The following ST8SIA1 variants were observed in gnomAD, a reference collection of about 807,000 sequenced individuals.
The protein encoded by ST8SIA1 is ST8 alpha-N-acetyl-neuraminide alpha-2,8-sialyltransferase 1, also known as alpha-N-acetylneuraminide alpha-2,8-sialyltransferase.
A neutral mutation model predicts 35.9 loss-of-function variants in ST8SIA1; 16 were observed. That is an observed-to-expected ratio of 0.45 (90% CI 0.30 to 0.68). ST8SIA1 has a LOEUF of 0.68. ST8SIA1 is among the 30% of genes least tolerant of loss of function. The pLI, the probability that ST8SIA1 is intolerant of heterozygous loss-of-function variation, is 0.09. For synonymous variants in ST8SIA1, 170 were observed against 169.6 expected, an observed-to-expected ratio of 1.00 and a Z score of -0.02; for missense variants, 383 against 453.6, an observed-to-expected ratio of 0.84 and a Z score of 1.41.
intron 2 of ST8SIA1, among the ~76,000 whole-genome samples, chr12:22,260,426 TTGAGA>T (rs1865776545): frequency 6.6e-6 from 1 of 152,066 alleles, no homozygotes; most frequent in Non-Finnish European, 1.5e-5. Context: ...TCTTAAAGTG[TTGAGA>T]TAAGGCATGA....
At chr12:22,281,237 T>C (rs1249101446) in intron 2 of ST8SIA1, among the ~76,000 whole-genome samples, 1 of 152,196 alleles carries the variant, frequency 6.6e-6, no homozygotes, top group Non-Finnish European at 1.5e-5. Context: ...TTTAACTTTG[T>C]TACTCATAAT....
chr12:22,256,457 G>T (rs1354586636), intron 2 of ST8SIA1, among the ~76,000 whole-genome samples: 1 of 152,198 alleles, frequency 6.6e-6, no homozygotes, highest in African/African-American at 2.4e-5. Flanking sequence ...AGCAGCTGGA[G>T]TTCTTTAGGG....
At chr12:22,264,916 A>G (rs1865829576) in intron 2 of ST8SIA1, among the ~76,000 whole-genome samples, 1 of 152,250 alleles carries the variant, frequency 6.6e-6, no homozygotes, top group African/African-American at 2.4e-5. Context: ...AATGATGTGA[A>G]TATTTATATA....
intron 4 of ST8SIA1, among the ~76,000 whole-genome samples, chr12:22,215,642 T>C (rs1283802163): frequency 1.3e-5 from 2 of 152,140 alleles, no homozygotes; most frequent in African/African-American, 4.8e-5. Context: ...TCCTCCAATA[T>C]CTATTGTGAC....
chr12:22,273,710 C>G lies in ST8SIA1; in HGVS notation c.381+13439G>C, dbSNP rs534187297. Reference sequence around the variant, plus strand: ...TAGGCTCTAGGTACACCAGGATACACTTGGTGATTGTATCCACCAAAACTA... The same window carrying G: ...TAGGCTCTAGGTACACCAGGATACAGTTGGTGATTGTATCCACCAAAACTA... On this transcript the variant is annotated intron_variant, in intron 2 of 4. Coordinates refer to ENST00000396037, the MANE Select transcript of ST8SIA1 (RefSeq NM_003034.4). Among the ~76,000 whole-genome samples, 14 of 152,272 alleles carry G rather than the reference C, an allele frequency of 9.2e-5. No individual in the cohort carries two copies. The South Asian group carries it at 2.9e-3, about 32-fold the overall frequency.
At chr12:22,297,635 T>G (rs1318529488) in intron 1 of ST8SIA1, among the ~76,000 whole-genome samples, 1 of 152,110 alleles carries the variant, frequency 6.6e-6, no homozygotes, top group Non-Finnish European at 1.5e-5. Flanking sequence ...GCACAGAATA[T>G]CAGCATTTCA....
At chr12:22,242,922 A>G (rs1382299165) in intron 4 of ST8SIA1, among the ~76,000 whole-genome samples, 1 of 152,208 alleles carries the variant, frequency 6.6e-6, no homozygotes, top group Non-Finnish European at 1.5e-5. Context: ...CACCCTAACT[A>G]ATCTTTTTGT....
At chr12:22,260,692 G>A (rs1021888513) in intron 2 of ST8SIA1, among the ~76,000 whole-genome samples, 5 of 151,984 alleles carry the variant, frequency 3.3e-5, no homozygotes, top group African/African-American at 1.2e-4. Flanking sequence ...TTAAAATAAG[G>A]TGAGGCATTT....
chr12:22,277,742 G>A (rs1170056213), intron 2 of ST8SIA1, among the ~76,000 whole-genome samples: 1 of 152,078 alleles, frequency 6.6e-6, no homozygotes, highest in Non-Finnish European at 1.5e-5. Flanking sequence ...GTGGCAGTGA[G>A]GTAAGAAAAG....
chr12:22,257,533 G>A (rs567727154), intron 2 of ST8SIA1, among the ~76,000 whole-genome samples: 68 of 151,828 alleles, frequency 4.5e-4, no homozygotes, highest in Admixed American at 2.4e-3. Flanking sequence ...CCCAGGAACT[G>A]CAATTTTAAT....
intron 2 of ST8SIA1, among the ~76,000 whole-genome samples, chr12:22,279,240 A>G (rs1484486459): frequency 6.6e-6 from 1 of 152,188 alleles, no homozygotes; most frequent in Non-Finnish European, 1.5e-5. Context: ...ATCACTACCA[A>G]GTTACACTTG....
chr12:22,325,914 T>C, intron 1 of ST8SIA1: 3 of 699,036 alleles, frequency 4.3e-6, no homozygotes, highest in Non-Finnish European at 7.8e-6. Context: ...GGGCAGCAAG[T>C]GTCAACAGTG....
At chr12:22,243,323 T>C (rs10459079) in intron 4 of ST8SIA1, among the ~76,000 whole-genome samples, 81,606 of 151,950 alleles carry the variant, frequency 0.54, 22,386 homozygotes, top group South Asian at 0.64. Context: ...AGATAACTAC[T>C]GATGTCTTGG....
intron 1 of ST8SIA1, chr12:22,324,475 A>G (rs1409441620): frequency 1.3e-5 from 2 of 152,320 alleles, no homozygotes; most frequent in East Asian, 3.9e-4. Flanking sequence ...TATCCTAACA[A>G]TGGAAAATCT....
At chr12:22,250,268 T>C (rs565213087) in intron 3 of ST8SIA1, among the ~76,000 whole-genome samples, 17 of 152,382 alleles carry the variant, frequency 1.1e-4, no homozygotes, top group African/African-American at 3.1e-4. Context: ...TTCTCCATTA[T>C]ACAAAATGAG....
intron 1 of ST8SIA1, 38 bp from the exon 2 acceptor site, chr12:22,287,331 G>T: frequency 6.3e-7 from 1 of 1,592,128 alleles, no homozygotes; most frequent in South Asian, 1.1e-5. Context: ...AGAACAGCAG[G>T]TTAAATGAGG....
At chr12:22,281,449 C>T (rs1042725101) in intron 2 of ST8SIA1, among the ~76,000 whole-genome samples, 6 of 152,228 alleles carry the variant, frequency 3.9e-5, no homozygotes, top group Middle Eastern at 3.4e-3. Flanking sequence ...GGGCCAATTA[C>T]CTTAATTATT....
At chr12:22,329,955 C>A (rs1470624088) in intron 1 of ST8SIA1, among the ~76,000 whole-genome samples, 1 of 152,124 alleles carries the variant, frequency 6.6e-6, no homozygotes, top group Non-Finnish European at 1.5e-5. Context: ...GATGTTTGTC[C>A]ATTTCTAATG....
At chr12:22,216,348 G>C (rs1479841357) in intron 4 of ST8SIA1, among the ~76,000 whole-genome samples, 3 of 152,016 alleles carry the variant, frequency 2.0e-5, no homozygotes, top group Admixed American at 6.6e-5. Context: ...CTCTTTTCTT[G>C]CCACTGCTCG....
Sources: gnomAD v4.1 joint callset for allele counts (sites outside exome capture counted in the v4.1 genomes callset) on GRCh38, gnomAD v4.1.1 for gene constraint, MANE v1.5 for transcripts, NCBI Gene and HGNC (gene_info 2026-07-23, HGNC 2026-07-21) for gene names.